ACAD10: variants seen among roughly 807,000 people sequenced by gnomAD.
ACAD10 encodes the protein ACAD-10.
In ACAD10, 112 loss-of-function variants were observed where a neutral mutation model predicts 116.8. That is an observed-to-expected ratio of 0.96 (90% CI 0.82 to 1.12). The LOEUF (loss-of-function observed/expected upper bound fraction) is 1.12, where lower values mean the gene tolerates loss of function less well. ACAD10 is among the 50% of genes most tolerant of loss of function. ACAD10 has a pLI of 0.00. For missense variants in ACAD10, 1,259 were observed against 1,350.2 expected, an observed-to-expected ratio of 0.93 and a Z score of 1.06; for synonymous variants, 486 against 510.6, an observed-to-expected ratio of 0.95 and a Z score of 0.65.
At chr12:111,727,015 C>T (rs911757037) in intron 8 of ACAD10, among the ~76,000 whole-genome samples, 4 of 152,096 alleles carry the variant, frequency 2.6e-5, no homozygotes, top group African/African-American at 9.7e-5. Context: ...TACCTGAGGT[C>T]AGGAGTTTGA....
intron 2 of ACAD10, among the ~76,000 whole-genome samples, chr12:111,693,372 C>A (rs1410676383): frequency 6.6e-6 from 1 of 152,094 alleles, no homozygotes; most frequent in East Asian, 1.9e-4. Context: ...GACCCCGTAT[C>A]TGCAGAAATT....
chr12:111,686,186 A>T lies in ACAD10; in HGVS notation c.-67A>T, dbSNP rs1463115917. Reference sequence around the variant, plus strand: ...GCGAGTTAACCTCTGCTTGCTCCAGAGGCCTCGTCCTAATCCACCTCGGCT... The same window carrying T: ...GCGAGTTAACCTCTGCTTGCTCCAGTGGCCTCGTCCTAATCCACCTCGGCT... On this transcript the variant is annotated 5_prime_UTR_variant, in exon 1 of 21. Transcript: ENST00000313698. 1 of 154,414 alleles carries T rather than the reference A, an allele frequency of 6.5e-6. No homozygotes were observed. The highest frequency in any genetic ancestry group is 1.4e-5 in the Non-Finnish European group (1 of 69,572). 9.6% of individuals were successfully genotyped at this position (154,414 alleles called of 1,614,324 possible).
In ACAD10 at chr12:111,755,688, C is replaced by T. The variant is rs1401860301; in HGVS notation, c.2982C>T (p.Ala994=). The part of the protein sequence containing the change: ...AGNKAAALDI[A]MIKMVAPSMA... Reference sequence around the variant, plus strand: ...TACAGGCTGCAGCCTTGGATATAGCCATGATTAAAATGGTCGCCCCGTCCA... The same window carrying T: ...TACAGGCTGCAGCCTTGGATATAGCTATGATTAAAATGGTCGCCCCGTCCA... The change falls in exon 20 of 21, where the codon GCC becomes GCT. Residue 994 remains alanine (A), a synonymous_variant. Coordinates refer to ENST00000313698, the MANE Select transcript of ACAD10 (RefSeq NM_025247.6). 2.5e-6 allele frequency: 4 copies of T among 1,613,866 alleles called. No individual in the cohort carries two copies. The highest frequency in any genetic ancestry group is 4.5e-5 in the East Asian group (2 of 44,870).
intron 7 of ACAD10, among the ~76,000 whole-genome samples, chr12:111,717,999 C>T (rs1888892321): frequency 2.2e-5 from 3 of 136,172 alleles, no homozygotes. Flanking sequence ...TATTCCCTTA[C>T]TATCCTTTTA....
intron 7 of ACAD10, among the ~76,000 whole-genome samples, chr12:111,720,327 G>C (rs1176007494): frequency 2.6e-5 from 4 of 152,208 alleles, no homozygotes; most frequent in Non-Finnish European, 5.9e-5. Context: ...GGGTTCAGAT[G>C]TATGTCTTTA....
chr12:111,734,000 A>T lies in ACAD10; in HGVS notation c.1472A>T (p.Asp491Val). The T allele has an allele frequency of 6.2e-7, 1 of 1,613,568 alleles. No homozygotes were observed. Among genetic ancestry groups the T allele is most frequent in the Non-Finnish European group, 8.5e-7 (1 of 1,179,934 alleles). Residue 491 changes from aspartate (D) to valine (V), a missense_variant, in exon 11 of 21, where the codon GAC becomes GTC. Asp to Val is a radical substitution (Grantham distance 152, BLOSUM62 -3). Coordinates refer to ENST00000313698, the MANE Select transcript of ACAD10 (RefSeq NM_025247.6). ...VLDWELSTLGDPLADVAYSCL... is the reference protein window; with the variant it reads ...VLDWELSTLGVPLADVAYSCL... ...GACTGGGAACTTTCTACCTTGGGCG[A>T]CCCCCTTGCTGATGTGGCCTACAGC... is the stretch of plus-strand genomic sequence containing the variant.
chr12:111,693,265 A>G (rs75710754), intron 2 of ACAD10: 2,456 of 195,026 alleles, frequency 0.013, 75 homozygotes, highest in African/African-American at 0.054. Flanking sequence ...AAGGCAGGGC[A>G]CAGTGGCTGA....
intron 16 of ACAD10, 142 bp downstream of exon 16, chr12:111,747,527 A>G (rs1344923849): frequency 6.7e-7 from 1 of 1,493,178 alleles, no homozygotes; most frequent in East Asian, 2.4e-5. Context: ...CAGCAGAGGC[A>G]GCTGGGAGAA....
chr12:111,716,877 T>G (rs1478357669), intron 7 of ACAD10, among the ~76,000 whole-genome samples: 1 of 152,058 alleles, frequency 6.6e-6, no homozygotes, highest in Non-Finnish European at 1.5e-5. Flanking sequence ...CAAAAGAGTT[T>G]GGAAACTACT....
In ACAD10 at chr12:111,744,441, T is replaced by G. The variant is rs7309076; in HGVS notation, c.1715-202T>G. Reference sequence around the variant, plus strand: ...TCACCTCCTTCTCTAAGACTCAGTTTTCTTGCGTGCAAAGTGCAGGTGAAA... The same window carrying G: ...TCACCTCCTTCTCTAAGACTCAGTTGTCTTGCGTGCAAAGTGCAGGTGAAA... On this transcript the variant is annotated intron_variant, in intron 12 of 20. Transcript: ENST00000313698. 5.1e-3 allele frequency: 3,264 copies of G among 639,520 alleles called. 88 individuals carry two copies. The African/African-American group carries it at 0.053, about 10-fold the overall frequency. The allele number at this position is 639,520 out of a possible 1,614,324, so 39.6% of individuals were successfully genotyped here.
intron 2 of ACAD10, among the ~76,000 whole-genome samples, chr12:111,698,767 C>T (rs560472368): frequency 2.0e-5 from 3 of 152,310 alleles, no homozygotes; most frequent in East Asian, 3.9e-4. Flanking sequence ...TGAGCCACTG[C>T]GCCCGGCCGG....
intron 18 of ACAD10, chr12:111,753,277 G>A (rs1268737546): frequency 2.5e-5 from 8 of 315,520 alleles, no homozygotes; most frequent in Non-Finnish European, 2.5e-5. Context: ...CACCCACGGC[G>A]GAAGGCCGGG....
chr12:111,715,893 A>T lies in ACAD10; in HGVS notation c.923A>T (p.Asp308Val). The T allele has an allele frequency of 1.2e-6, 2 of 1,614,070 alleles. No individual in the cohort carries two copies. Among genetic ancestry groups the T allele is most frequent in the Non-Finnish European group, 1.7e-6 (2 of 1,180,002 alleles). ...PTYYIRLANR[D>V]LVLRKKPPGT... The stretch of plus-strand genomic sequence containing the variant: ...TACTACATCAGGCTGGCTAATCGTG[A>T]TCTAGTTCTGAGGAAGAAGCCCCCA... The change falls in exon 7 of 21, where the codon GAT (aspartate) becomes GTT (valine). Residue 308 changes from aspartate to valine, a missense_variant. Asp to Val is a radical substitution (Grantham distance 152). Coordinates refer to ENST00000313698, the MANE Select transcript of ACAD10 (RefSeq NM_025247.6).
Position 111,711,511 on chromosome 12 carries a change from C to T in ACAD10, c.691-987C>T, listed in dbSNP as rs536312849. ...GGCGTGAGCCACCACACCCAGCTGA[C>T]CTGTGCTAAAATTTTTTTTTTTTTT... On this transcript the variant is annotated intron_variant, in intron 5 of 20. Transcript: ENST00000313698. Among the ~76,000 whole-genome samples the T allele has an allele frequency of 6.2e-5, 9 of 145,896 alleles. No homozygotes were observed. In the South Asian group the frequency reaches 2.0e-3, roughly 32 times the overall value.
Position 111,709,734 on chromosome 12 carries a change from C to A in ACAD10, c.690+50C>A, listed in dbSNP as rs79425161. The A allele has an allele frequency of 3.3e-3, 4,979 of 1,508,720 alleles. 126 individuals are homozygous for A. The African/African-American group carries it at 0.057, about 17-fold the overall frequency. The allele number at this position is 1,508,720 out of a possible 1,614,324, so 93.5% of individuals were successfully genotyped here. A position where few individuals can be genotyped will look rare whatever the true frequency, so the allele number is the denominator to read the frequency against. On this transcript the variant is annotated intron_variant, in intron 5 of 20. Transcript: ENST00000313698. ...CCCTCCCATGCACCAGCCACTAATG[C>A]AATGTTTCTCTGTAATCTTTTTACA...
Position 111,748,576 on chromosome 12 carries a change from G to A in ACAD10, c.2644+101G>A, listed in dbSNP as rs565326979. On this transcript the variant is annotated intron_variant, in intron 17 of 20. Coordinates refer to ENST00000313698, the MANE Select transcript of ACAD10 (RefSeq NM_025247.6). ...TTGTTCAGGACTTGCCACATCCCAC[G>A]TCTGAGGGTATGATGACATTTGGAG... The A allele has an allele frequency of 7.1e-5, 92 of 1,304,376 alleles. 1 individual carries two copies. The highest frequency in any genetic ancestry group is 6.7e-4 in the African/African-American group (46 of 68,260). The allele number at this position is 1,304,376 out of a possible 1,614,324, so 80.8% of individuals were successfully genotyped here.
intron 19 of ACAD10, among the ~76,000 whole-genome samples, chr12:111,755,353 G>A (rs780824001): frequency 5.3e-5 from 8 of 152,076 alleles, no homozygotes; most frequent in South Asian, 2.1e-4. Context: ...TGATCTGCCC[G>A]CCTCGGCCTC....
At chr12:111,694,939 G>C (rs1278798505) in intron 2 of ACAD10, among the ~76,000 whole-genome samples, 1 of 151,936 alleles carries the variant, frequency 6.6e-6, no homozygotes, top group Non-Finnish European at 1.5e-5. Context: ...GCGGTGGGAG[G>C]AACTCTTTAG....
In ACAD10 at chr12:111,755,375, G is replaced by A. The variant is rs554197153; in HGVS notation, c.2962-293G>A. On this transcript the variant is annotated intron_variant, in intron 19 of 20. Coordinates refer to ENST00000313698, the MANE Select transcript of ACAD10 (RefSeq NM_025247.6). ...CCCGCCTCGGCCTCCCAAAGTGCTG[G>A]AATCACAGGCCTGAACCACCGCGCC... Among the ~76,000 whole-genome samples, 5 of 152,168 alleles carry A rather than the reference G, an allele frequency of 3.3e-5. No homozygotes were observed. The East Asian group carries it at 9.7e-4, about 30-fold the overall frequency.
Sources: allele counts gnomAD v4.1 joint callset (sites outside exome capture counted in the v4.1 genomes callset), GRCh38; gene constraint gnomAD v4.1.1; transcripts MANE v1.5; gene names NCBI Gene and HGNC (gene_info 2026-07-23, HGNC 2026-07-21).